The following SBF2 variants were observed in gnomAD, a reference collection of about 807,000 sequenced individuals.
The protein encoded by SBF2 is myotubularin-related protein 13.
In SBF2, 112 loss-of-function variants were observed where a neutral mutation model predicts 225.2. The ratio of observed to expected loss-of-function variants is 0.50; its 90% CI spans 0.43 to 0.58. SBF2 has a LOEUF of 0.58. SBF2 is among the 20% of genes least tolerant of loss of function. The probability of loss-of-function intolerance (pLI) is 0.00; values close to 1 mark genes in which losing one functional copy is unlikely to be tolerated. For synonymous variants in SBF2, 763 were observed against 773.3 expected (o/e 0.99, Z 0.22); for missense variants, 1,996 against 2,206.2 (o/e 0.90, Z 1.91).
At chr11:10,206,071 G>C (rs1957742137) in intron 1 of SBF2, among the ~76,000 whole-genome samples, 1 of 151,416 alleles carries the variant, frequency 6.6e-6, no homozygotes. Flanking sequence ...GTGACATCAG[G>C]GCAGTGAAAT....
chr11:9,891,728 C>A (rs1860836677), intron 17 of SBF2, among the ~76,000 whole-genome samples: 1 of 152,196 alleles, frequency 6.6e-6, no homozygotes, highest in Non-Finnish European at 1.5e-5. Flanking sequence ...TTACATGTTA[C>A]TTAGTAAAAG....
At chr11:10,288,624 C>T (rs557624692) in intron 1 of SBF2, among the ~76,000 whole-genome samples, 8 of 152,054 alleles carry the variant, frequency 5.3e-5, no homozygotes, top group Non-Finnish European at 1.2e-4. Context: ...TCTCTGCAGG[C>T]AGATTGTCCC....
intron 16 of SBF2, among the ~76,000 whole-genome samples, chr11:9,931,640 G>C (rs1864507134): frequency 1.3e-5 from 2 of 152,198 alleles, no homozygotes; most frequent in African/African-American, 2.4e-5. Context: ...CAACATCAAA[G>C]ACAAAAGGTA....
At chr11:9,938,908 A>C (rs1865071712) in intron 16 of SBF2, among the ~76,000 whole-genome samples, 1 of 152,124 alleles carries the variant, frequency 6.6e-6, no homozygotes, top group Non-Finnish European at 1.5e-5. Flanking sequence ...TAAAACACAA[A>C]GTCAACAGAT....
At chr11:9,961,115 T>TG (rs1866539625) in intron 16 of SBF2, 1 of 152,200 alleles carries the variant, frequency 6.6e-6, no homozygotes, top group African/African-American at 2.4e-5. Context: ...TAGATTGTTT[T>TG]GGGGAGAATT....
chr11:10,006,982 G>A lies in SBF2; in HGVS notation c.620-4293C>T, dbSNP rs542898589. Among the ~76,000 whole-genome samples, 7 of 152,272 alleles carry A rather than the reference G, an allele frequency of 4.6e-5. 1 individual carries two copies. The South Asian group carries it at 8.3e-4, about 18-fold the overall frequency. On this transcript the variant is annotated intron_variant, in intron 6 of 39. Coordinates refer to ENST00000256190, the MANE Select transcript of SBF2 (RefSeq NM_030962.4). ...GAATATAGGATGGCCCAAGGCCGTC[G>A]GCACAAGAGACCCATACGACAGACA...
chr11:10,098,767 G>A lies in SBF2; in HGVS notation c.142-55786C>T, dbSNP rs74319946. On this transcript the variant is annotated intron_variant, in intron 2 of 39. Transcript: ENST00000256190. ...ACCATAAATGAAATAAAAATGTAAC[G>A]GCCAACTTCAATATCAGACTTGATA... Among the ~76,000 whole-genome samples the A allele has an allele frequency of 9.1e-3, 1,344 of 147,076 alleles. 26 individuals are homozygous for A. The highest frequency in any genetic ancestry group is 0.032 in the African/African-American group (1,257 of 39,526).
intron 1 of SBF2, among the ~76,000 whole-genome samples, chr11:10,198,981 G>T (rs768650257): frequency 1.3e-5 from 2 of 152,168 alleles, no homozygotes; most frequent in Non-Finnish European, 2.9e-5. Context: ...TAATAATGCT[G>T]TCTCATTTTC....
intron 2 of SBF2, among the ~76,000 whole-genome samples, chr11:10,057,380 G>C (rs1050361156): frequency 1.3e-5 from 2 of 152,148 alleles, no homozygotes; most frequent in African/African-American, 4.8e-5. Context: ...AAGGAGCAAA[G>C]ACCCTAAGTA....
chr11:10,170,997 G>A (rs982174495), intron 2 of SBF2, among the ~76,000 whole-genome samples: 7 of 152,038 alleles, frequency 4.6e-5, no homozygotes, highest in Non-Finnish European at 7.4e-5. Flanking sequence ...TTTGTATCCT[G>A]CAGATTTATT....
chr11:9,920,997 C>T (rs1863574979), intron 16 of SBF2, among the ~76,000 whole-genome samples: 2 of 151,526 alleles, frequency 1.3e-5, no homozygotes, highest in Non-Finnish European at 2.9e-5. Context: ...TCTCAGCCTA[C>T]TGCCTATAGT....
chr11:9,855,324 T>C (rs576672443), intron 19 of SBF2, among the ~76,000 whole-genome samples: 1 of 152,216 alleles, frequency 6.6e-6, no homozygotes, highest in South Asian at 2.1e-4. Flanking sequence ...CTGACAAAAA[T>C]GAAGTACCTA....
intron 32 of SBF2, among the ~76,000 whole-genome samples, chr11:9,802,814 C>G (rs999023159): frequency 6.6e-6 from 1 of 152,148 alleles, no homozygotes; most frequent in African/African-American, 2.4e-5. Context: ...TTCTTAGATT[C>G]CTCTGTTTTT....
intron 1 of SBF2, among the ~76,000 whole-genome samples, chr11:10,300,022 A>G (rs1243718035): frequency 6.6e-6 from 1 of 152,030 alleles, no homozygotes; most frequent in African/African-American, 2.4e-5. Context: ...ATGCATTCCT[A>G]TCAAACAGGA....
At chr11:10,297,283 C>T (rs979433248), upstream of SBF2, among the ~76,000 whole-genome samples, 5 of 151,814 alleles carry the variant, frequency 3.3e-5, no homozygotes, top group African/African-American at 1.2e-4. Flanking sequence ...TGGTCTTAAC[C>T]TCCTGTCCTC....
At chr11:10,079,251 C>T (rs972719295) in intron 2 of SBF2, among the ~76,000 whole-genome samples, 3 of 152,008 alleles carry the variant, frequency 2.0e-5, no homozygotes, top group Non-Finnish European at 2.9e-5. Context: ...CAAGAGAAAC[C>T]AGAAAACTAA....
chr11:10,225,336 A>C (rs984197694), intron 1 of SBF2, among the ~76,000 whole-genome samples: 5 of 152,074 alleles, frequency 3.3e-5, no homozygotes, highest in Non-Finnish European at 7.4e-5. Flanking sequence ...CACAAGTGGA[A>C]CATGAAATTA....
At chr11:10,273,899 A>G (rs781686562) in intron 1 of SBF2, among the ~76,000 whole-genome samples, 9 of 152,246 alleles carry the variant, frequency 5.9e-5, no homozygotes, top group Non-Finnish European at 1.3e-4. Context: ...GCTGAAAGGC[A>G]AGATGACCTT....
At chr11:10,132,879 G>A (rs984224695) in intron 2 of SBF2, among the ~76,000 whole-genome samples, 2 of 148,498 alleles carry the variant, frequency 1.3e-5, no homozygotes, top group African/African-American at 2.5e-5. Context: ...GGTTCTCCAC[G>A]TCCCCATCAG....
Sources: gnomAD v4.1 joint callset for allele counts (sites outside exome capture counted in the v4.1 genomes callset) on GRCh38, gnomAD v4.1.1 for gene constraint, MANE v1.5 for transcripts, NCBI Gene and HGNC (gene_info 2026-07-23, HGNC 2026-07-21) for gene names.